The following LONP2 variants were observed in gnomAD, a reference collection of about 807,000 sequenced individuals.
LONP2 encodes the protein lon peptidase 2, peroxisomal.
A neutral mutation model predicts 85.6 loss-of-function variants in LONP2; 60 were observed. The observed-to-expected ratio is 0.70, with a 90% CI of 0.57 to 0.87. LONP2 has a LOEUF of 0.87. Among genes scored for constraint, LONP2 ranks in the 40% least tolerant of loss-of-function variants. The pLI is 0.00. For missense variants in LONP2, 860 were observed against 1,063.5 expected, an observed-to-expected ratio of 0.81 and a Z score of 2.66; for synonymous variants, 395 against 389.7, an observed-to-expected ratio of 1.01 and a Z score of -0.16.
intron 11 of LONP2, among the ~76,000 whole-genome samples, chr16:48,330,129 C>G (rs1959392812): frequency 6.6e-6 from 1 of 152,214 alleles, no homozygotes; most frequent in Admixed American, 6.5e-5. Flanking sequence ...TTTGTCATTT[C>G]TTAAACTTTA....
At chr16:48,277,068 G>A (rs1567319050) in intron 7 of LONP2, among the ~76,000 whole-genome samples, 1 of 152,138 alleles carries the variant, frequency 6.6e-6, no homozygotes, top group Non-Finnish European at 1.5e-5. Context: ...CTTAAGTGTC[G>A]TGTTTCTTCA....
At chr16:48,277,311 T>C in intron 7 of LONP2, 27 bp from the exon 8 acceptor site, 1 of 1,606,764 alleles carries the variant, frequency 6.2e-7, no homozygotes, top group Non-Finnish European at 8.5e-7. Context: ...CATCTCACAC[T>C]GTGAATGTGC....
chr16:48,312,622 C>T (rs920475262), intron 11 of LONP2, among the ~76,000 whole-genome samples: 1 of 151,978 alleles, frequency 6.6e-6, no homozygotes, highest in African/African-American at 2.4e-5. Flanking sequence ...TAGTAATGTA[C>T]GGGGTGGGTG....
At chr16:48,350,071 T>G (rs1043319570) in intron 14 of LONP2, among the ~76,000 whole-genome samples, 1 of 152,006 alleles carries the variant, frequency 6.6e-6, no homozygotes, top group Non-Finnish European at 1.5e-5. Flanking sequence ...GGGAAATATA[T>G]CTCTACAAAA....
Position 48,261,532 on chromosome 16 carries a change from C to G in LONP2, c.832C>G (p.Arg278Gly). ...CATTGTCATGCTAGAGAAAAAAATA[C>G]GAACATCTAGTATGCCAGAGCAGGC... ...DDIVMLEKKIRTSSMPEQAHK... is the reference protein window; with the variant it reads ...DDIVMLEKKIGTSSMPEQAHK... The change falls in exon 5 of 15, where the codon CGA becomes GGA. Residue 278 changes from arginine (R) to glycine (G), a missense_variant. This residue lies in a region of LONP2 where 743 missense variants were observed against 917.3 expected (regional missense o/e 0.81). Coordinates refer to ENST00000285737, the MANE Select transcript of LONP2 (RefSeq NM_031490.5). 4 of 1,605,494 alleles carry G rather than the reference C, an allele frequency of 2.5e-6. No homozygotes were observed. Among genetic ancestry groups the G allele is most frequent in the Non-Finnish European group, 3.4e-6 (4 of 1,176,092 alleles).
intron 3 of LONP2, among the ~76,000 whole-genome samples, chr16:48,257,244 G>A (rs1171568196): frequency 1.3e-5 from 2 of 152,132 alleles, no homozygotes; most frequent in African/African-American, 4.8e-5. Context: ...CTGGGAGGCA[G>A]AGGCTGCAGT....
At chr16:48,272,175 A>G (rs902578289) in intron 7 of LONP2, among the ~76,000 whole-genome samples, 13 of 152,204 alleles carry the variant, frequency 8.5e-5, no homozygotes, top group African/African-American at 1.9e-4. Flanking sequence ...AGCTTTAACC[A>G]TTATTTAAAT....
At chr16:48,282,381 A>C (rs896213882) in intron 8 of LONP2, among the ~76,000 whole-genome samples, 1 of 148,794 alleles carries the variant, frequency 6.7e-6, no homozygotes, top group Non-Finnish European at 1.5e-5. Flanking sequence ...ATTGCACTCC[A>C]GCCTGGGTGA....
intron 9 of LONP2, among the ~76,000 whole-genome samples, chr16:48,297,570 A>G (rs1460364534): frequency 6.6e-6 from 1 of 152,206 alleles, no homozygotes; most frequent in East Asian, 1.9e-4. Context: ...TCAGCCTCCA[A>G]AGTGCTGGGA....
chr16:48,303,278 G>T lies in LONP2; in HGVS notation c.1768G>T (p.Asp590Tyr). 6.2e-7 allele frequency: 1 copy of T among 1,614,154 alleles called. No individual in the cohort carries two copies. Among genetic ancestry groups the T allele is most frequent in the Non-Finnish European group, 8.5e-7 (1 of 1,180,034 alleles). ...AGGACAGCATAAGGAAGCCAAGTTG[G>T]ACCGTTCTGATGTGACTGAGAGAGA... ...AEGQHKEAKL[D>Y]RSDVTEREGC... The change falls in exon 11 of 15, where the codon GAC (aspartate) becomes TAC (tyrosine). Residue 590 changes from aspartate (D) to tyrosine (Y), a missense_variant. This residue lies in a region of LONP2 where 743 missense variants were observed against 917.3 expected (regional missense o/e 0.81). Transcript: ENST00000285737.
At position 48,273,771 on chromosome 16, in the gene LONP2, A is replaced by T. The variant is rs145835235; in HGVS notation, c.1241+3497A>T. Among the ~76,000 whole-genome samples, 516 of 150,990 alleles carry T rather than the reference A, an allele frequency of 3.4e-3. 2 individuals are homozygous for T. The highest frequency in any genetic ancestry group is 0.012 in the African/African-American group (495 of 40,324). On this transcript the variant is annotated intron_variant, in intron 7 of 14. Transcript: ENST00000285737. ...TTTTCATTTGTTCTTTGGTAAAAAGAAATAATATATTATTGTTATGATATA... is the reference window on the plus strand; with the variant it reads ...TTTTCATTTGTTCTTTGGTAAAAAGTAATAATATATTATTGTTATGATATA...
chr16:48,360,854 TTTGA>T (rs1960556077), downstream of LONP2: 1 of 152,240 alleles, frequency 6.6e-6, no homozygotes, highest in South Asian at 2.1e-4. Flanking sequence ...TTAAATAGCT[TTTGA>T]TTATTTTTCC....
chr16:48,246,121 G>A (rs1971370437), intron 1 of LONP2, among the ~76,000 whole-genome samples: 1 of 151,270 alleles, frequency 6.6e-6, no homozygotes, highest in African/African-American at 2.4e-5. Context: ...CCCCACCCCC[G>A]TTAAAAGAAA....
intron 8 of LONP2, among the ~76,000 whole-genome samples, chr16:48,292,916 A>G (rs1275750517): frequency 6.6e-6 from 1 of 152,204 alleles, no homozygotes; most frequent in Non-Finnish European, 1.5e-5. Flanking sequence ...TTTAACAAGC[A>G]TCACTAATTT....
At chr16:48,282,824 C>T (rs1257965510) in intron 8 of LONP2, among the ~76,000 whole-genome samples, 3 of 152,162 alleles carry the variant, frequency 2.0e-5, no homozygotes, top group African/African-American at 7.2e-5. Flanking sequence ...TCACACATCT[C>T]ATTGTAAATC....
chr16:48,348,487 C>CT (rs34729067), intron 14 of LONP2, among the ~76,000 whole-genome samples, 197 bp downstream of exon 14: 3,175 of 112,806 alleles, frequency 0.028, 70 homozygotes, highest in Non-Finnish European at 0.039. Flanking sequence ...TCACATTTTC[C>CT]TTTTTTTTTT....
chr16:48,343,494 C>T (rs1422277016), intron 12 of LONP2, among the ~76,000 whole-genome samples: 3 of 151,914 alleles, frequency 2.0e-5, no homozygotes, highest in East Asian at 1.9e-4. Flanking sequence ...GTCAGGAGTT[C>T]GAGACCAGCC....
At chr16:48,253,167 C>T (rs1395031915) in intron 2 of LONP2, among the ~76,000 whole-genome samples, 1 of 151,992 alleles carries the variant, frequency 6.6e-6, no homozygotes, top group Non-Finnish European at 1.5e-5. Context: ...TGAACAATAA[C>T]AGAAAAATAG....
Position 48,351,986 on chromosome 16 carries a change from A to G in LONP2, c.*184A>G. The G allele has an allele frequency of 1.7e-6, 1 of 597,838 alleles. No individual in the cohort carries two copies. The highest frequency in any genetic ancestry group is 2.1e-5 in the South Asian group (1 of 46,674). 37.0% of individuals were successfully genotyped at this position (597,838 alleles called of 1,614,324 possible). On this transcript the variant is annotated 3_prime_UTR_variant, in exon 15 of 15. Transcript: ENST00000285737. ...AGAAATATAAGATGTTGATTTAGTA[A>G]ACTGATAAAAATCGAATTCTTGTCT...
Sources: allele counts gnomAD v4.1 joint callset (sites outside exome capture counted in the v4.1 genomes callset), GRCh38; gene constraint gnomAD v4.1.1; regional missense constraint gnomAD v4.1.1; transcripts MANE v1.5; gene names NCBI Gene and HGNC (gene_info 2026-07-23, HGNC 2026-07-21).